The following ULK4 variants were observed in gnomAD, a reference collection of about 807,000 sequenced individuals.
The protein encoded by ULK4 is inactive serine/threonine-protein kinase ULK4.
In ULK4, 133 loss-of-function variants were observed where a neutral mutation model predicts 160.6. That is an observed-to-expected ratio of 0.83 (90% CI 0.72 to 0.96). The LOEUF (loss-of-function observed/expected upper bound fraction) is 0.96. Ranked by LOEUF, ULK4 falls within the 40% of genes least tolerant of loss-of-function variation. The probability of loss-of-function intolerance (pLI) is 0.00; values close to 1 mark genes in which losing one functional copy is unlikely to be tolerated. For missense variants in ULK4, 1,580 were observed against 1,499.5 expected (o/e 1.05, Z -0.89); for synonymous variants, 534 against 539.8 (o/e 0.99, Z 0.15).
intron 33 of ULK4, among the ~76,000 whole-genome samples, chr3:41,457,561 G>A (rs1035850769): frequency 1.3e-5 from 2 of 152,158 alleles, no homozygotes; most frequent in African/African-American, 2.4e-5. Flanking sequence ...TGCAACAAAA[G>A]GACACCTGCC....
chr3:41,389,722 C>T (rs1374511159), intron 35 of ULK4, among the ~76,000 whole-genome samples: 5 of 152,168 alleles, frequency 3.3e-5, no homozygotes, highest in Admixed American at 1.3e-4. Context: ...GGGATGAAGC[C>T]CACTTGATCA....
At chr3:41,779,985 TAA>T (rs777587812) in intron 21 of ULK4, among the ~76,000 whole-genome samples, 1,012 of 59,342 alleles carry the variant, frequency 0.017, 25 homozygotes, top group African/African-American at 0.042. Flanking sequence ...TAGAGTATAA[TAA>T]AAAAAAAAAA....
intron 32 of ULK4, among the ~76,000 whole-genome samples, chr3:41,519,938 C>T (rs966536305): frequency 1.2e-4 from 19 of 152,182 alleles, no homozygotes; most frequent in African/African-American, 4.3e-4. Context: ...GGAAATGTTG[C>T]TCAATCAAGC....
At position 41,681,670 on chromosome 3, in the gene ULK4, A is replaced by T; in HGVS notation, c.2834-18T>A. ...CCACTCCACTTGAAAGAAAAAAAAA[A>T]TGCCAAGAATGTGACTCCATGGAGA... On this transcript the variant is annotated intron_variant, in intron 28 of 36. Transcript: ENST00000301831. 1 of 1,612,870 alleles carries T rather than the reference A, an allele frequency of 6.2e-7. No individual in the cohort carries two copies. The highest frequency in any genetic ancestry group is 8.5e-7 in the Non-Finnish European group (1 of 1,179,662).
chr3:41,873,021 T>C (rs1331638797), intron 17 of ULK4, among the ~76,000 whole-genome samples: 2 of 151,960 alleles, frequency 1.3e-5, no homozygotes, highest in Admixed American at 1.3e-4. Context: ...AGTATGGTGG[T>C]AGACACCTGT....
At chr3:41,612,591 T>G (rs2032739864) in intron 31 of ULK4, among the ~76,000 whole-genome samples, 1 of 152,238 alleles carries the variant, frequency 6.6e-6, no homozygotes, top group African/African-American at 2.4e-5. Flanking sequence ...TAATACAAAT[T>G]AATTTCAATT....
At chr3:41,868,444 C>T (rs1307195106) in intron 17 of ULK4, among the ~76,000 whole-genome samples, 5 of 152,206 alleles carry the variant, frequency 3.3e-5, no homozygotes, top group Admixed American at 2.6e-4. Context: ...GTCTAACTTC[C>T]CATTTAAAGT....
At chr3:41,762,669 T>TTG (rs2039026210) in intron 21 of ULK4, among the ~76,000 whole-genome samples, 3 of 144,436 alleles carry the variant, frequency 2.1e-5, no homozygotes, top group African/African-American at 5.1e-5. Context: ...TTTTTTTTTT[T>TTG]TTTTTTTTTT....
At chr3:41,699,538 G>A (rs2036603057) in intron 27 of ULK4, among the ~76,000 whole-genome samples, 1 of 152,156 alleles carries the variant, frequency 6.6e-6, no homozygotes. Context: ...AACAAATCGT[G>A]GCTTTCTCAC....
chr3:41,696,367 C>G (rs1006099257), intron 27 of ULK4, among the ~76,000 whole-genome samples: 13 of 152,318 alleles, frequency 8.5e-5, no homozygotes, highest in African/African-American at 3.1e-4. Flanking sequence ...CTGTCTCTCT[C>G]TCTCCCTCTC....
At chr3:41,722,910 A>G (rs1420470010) in intron 22 of ULK4, among the ~76,000 whole-genome samples, 1 of 152,162 alleles carries the variant, frequency 6.6e-6, no homozygotes, top group Non-Finnish European at 1.5e-5. Context: ...GTCTCCTGGT[A>G]CACATGTGCA....
At chr3:41,494,616 A>G (rs1477113947) in intron 32 of ULK4, among the ~76,000 whole-genome samples, 3 of 152,168 alleles carry the variant, frequency 2.0e-5, no homozygotes, top group Admixed American at 1.3e-4. Flanking sequence ...AGGGCATTCA[A>G]TTAGGAAAAG....
chr3:41,484,643 G>T (rs148454095), intron 32 of ULK4, among the ~76,000 whole-genome samples: 1 of 151,840 alleles, frequency 6.6e-6, no homozygotes, highest in African/African-American at 2.4e-5. Flanking sequence ...TAGTAGAGAC[G>T]GGGTTTCACC....
intron 34 of ULK4, among the ~76,000 whole-genome samples, chr3:41,407,627 C>T (rs2082321128): frequency 1.3e-5 from 2 of 152,200 alleles, no homozygotes; most frequent in African/African-American, 2.4e-5. Context: ...ACAAAAACTA[C>T]ATGATCCTCT....
chr3:41,897,553 C>G (rs539239292), intron 14 of ULK4, among the ~76,000 whole-genome samples: 1 of 152,078 alleles, frequency 6.6e-6, no homozygotes, highest in South Asian at 2.1e-4. Flanking sequence ...TATCTTTAGA[C>G]AAAATAAATT....
intron 30 of ULK4, among the ~76,000 whole-genome samples, chr3:41,637,057 A>G (rs1353020754): frequency 4.6e-5 from 7 of 152,232 alleles, no homozygotes; most frequent in Admixed American, 4.6e-4. Flanking sequence ...TATATACATT[A>G]TCTTCTTGTG....
At chr3:41,760,592 C>T (rs570805736) in intron 21 of ULK4, among the ~76,000 whole-genome samples, 54 of 152,238 alleles carry the variant, frequency 3.5e-4, no homozygotes, top group South Asian at 6.2e-4. Flanking sequence ...AAATTCCACA[C>T]ATAAGTACTT....
At chr3:41,708,177 C>CACATATAT (rs1553637876) in intron 25 of ULK4, among the ~76,000 whole-genome samples, 1 of 149,936 alleles carries the variant, frequency 6.7e-6, no homozygotes, top group African/African-American at 2.5e-5. Flanking sequence ...AATACATATA[C>CACATATAT]ATATATATAT....
chr3:41,559,229 G>A (rs2087457176), intron 32 of ULK4, among the ~76,000 whole-genome samples: 3 of 137,172 alleles, frequency 2.2e-5, no homozygotes. Context: ...TGGCTGCATA[G>A]TATTCCATGG....
Sources: allele counts gnomAD v4.1 joint callset (sites outside exome capture counted in the v4.1 genomes callset), GRCh38; gene constraint gnomAD v4.1.1; transcripts MANE v1.5; gene names NCBI Gene and HGNC (gene_info 2026-07-23, HGNC 2026-07-21).